Variants in TENM2 observed in about 807,000 individuals in gnomAD.
The protein encoded by TENM2 is teneurin-2.
A neutral mutation model predicts 245.2 loss-of-function variants in TENM2; 52 were observed. The observed-to-expected ratio is 0.21, with a 90% CI of 0.17 to 0.27. TENM2 has a LOEUF of 0.27. TENM2 is among the 10% of genes least tolerant of loss of function. TENM2 has a pLI of 1.00. For missense variants in TENM2, 3,046 were observed against 3,666.8 expected, an observed-to-expected ratio of 0.83 and a Z score of 4.37; for synonymous variants, 1,363 against 1,438.9, an observed-to-expected ratio of 0.95 and a Z score of 1.19.
chr5:167,010,853 C>T, the TENM2 span, among the ~76,000 whole-genome samples: 1 of 152,102 alleles, frequency 6.6e-6, no homozygotes, highest in African/African-American at 2.4e-5. Flanking sequence ...TAAAATGATA[C>T]AATAGAAGAT....
intron 13 of TENM2, among the ~76,000 whole-genome samples, chr5:168,166,164 C>G (rs1024390616): frequency 6.6e-6 from 1 of 152,072 alleles, no homozygotes. Context: ...TCAGGAAGGG[C>G]TATGTGAGTT....
At chr5:167,431,952 T>TATATATATATATACACACATATATATAC (rs1764263589) in intron 2 of TENM2, among the ~76,000 whole-genome samples, 6 of 66,886 alleles carry the variant, frequency 9.0e-5, no homozygotes, top group Admixed American at 1.8e-4. Context: ...TATATATGTA[T>TATATATATATATACACACATATATATAC]ATATATATGT....
intron 2 of TENM2, among the ~76,000 whole-genome samples, chr5:167,520,629 C>T (rs1770690562): frequency 6.6e-6 from 1 of 152,056 alleles, no homozygotes; most frequent in African/African-American, 2.4e-5. Flanking sequence ...GTTGAAGAGA[C>T]TTCTGCAGAA....
intron 2 of TENM2, among the ~76,000 whole-genome samples, chr5:167,439,789 A>G (rs1764779952): frequency 6.6e-6 from 1 of 152,196 alleles, no homozygotes; most frequent in African/African-American, 2.4e-5. Flanking sequence ...ATTCTATGGC[A>G]TTTTATCCAT....
the TENM2 span, among the ~76,000 whole-genome samples, chr5:166,981,039 C>CA: frequency 2.6e-5 from 4 of 152,128 alleles, no homozygotes; most frequent in Non-Finnish European, 5.9e-5. Context: ...TCTTCAGCCC[C>CA]AAAAAACAAA....
At chr5:166,992,755 T>C in the TENM2 span, among the ~76,000 whole-genome samples, 1 of 152,230 alleles carries the variant, frequency 6.6e-6, no homozygotes, top group South Asian at 2.1e-4. Flanking sequence ...AAAGTGGATT[T>C]GGGAAGAAAT....
the TENM2 span, among the ~76,000 whole-genome samples, chr5:167,255,049 C>T: frequency 4.0e-5 from 6 of 150,166 alleles, no homozygotes; most frequent in Non-Finnish European, 7.4e-5. Context: ...TTCAGACCTA[C>T]AGAGAATGTA....
chr5:167,538,674 A>G (rs1279642977), intron 2 of TENM2, among the ~76,000 whole-genome samples: 3 of 152,172 alleles, frequency 2.0e-5, no homozygotes, highest in African/African-American at 7.2e-5. Flanking sequence ...CTCAAAGCCA[A>G]TCGGAAAACA....
At chr5:167,330,512 C>T (rs35441103) in intron 1 of TENM2, among the ~76,000 whole-genome samples, 18 of 151,748 alleles carry the variant, frequency 1.2e-4, no homozygotes, top group African/African-American at 4.1e-4. Context: ...AGAGTGAGAA[C>T]GAGCTGTTTT....
At chr5:168,205,884 G>A (rs931036714) in intron 19 of TENM2, among the ~76,000 whole-genome samples, 3 of 152,168 alleles carry the variant, frequency 2.0e-5, no homozygotes, top group African/African-American at 4.8e-5. Context: ...TAGATTGTAG[G>A]ACTGCAGGAG....
chr5:167,925,957 G>A (rs953255756), intron 3 of TENM2, among the ~76,000 whole-genome samples: 4 of 152,132 alleles, frequency 2.6e-5, no homozygotes, highest in African/African-American at 9.7e-5. Context: ...CCACTTGAGG[G>A]AATAGGGTGG....
At chr5:167,100,310 C>A in the TENM2 span, among the ~76,000 whole-genome samples, 2 of 152,120 alleles carry the variant, frequency 1.3e-5, no homozygotes, top group South Asian at 2.1e-4. Flanking sequence ...TCCTGTAGAT[C>A]AGATGCCAGT....
intron 6 of TENM2, among the ~76,000 whole-genome samples, chr5:168,059,629 A>C (rs1019733719): frequency 4.6e-5 from 7 of 151,578 alleles, no homozygotes; most frequent in Non-Finnish European, 1.0e-4. Context: ...CTTTTTATTT[A>C]TATCCTTTTT....
chr5:168,024,274 C>G (rs770353303), intron 5 of TENM2, among the ~76,000 whole-genome samples: 5 of 152,120 alleles, frequency 3.3e-5, no homozygotes, highest in Non-Finnish European at 5.9e-5. Context: ...AGTACCATAC[C>G]TAAAGAGGGG....
At chr5:168,072,309 C>A (rs1791081295) in intron 7 of TENM2, among the ~76,000 whole-genome samples, 1 of 152,146 alleles carries the variant, frequency 6.6e-6, no homozygotes, top group Non-Finnish European at 1.5e-5. Context: ...ATTTCGCTGA[C>A]CTTGACCCCA....
intron 13 of TENM2, among the ~76,000 whole-genome samples, chr5:168,166,215 C>T (rs1340510274): frequency 1.3e-5 from 2 of 152,108 alleles, no homozygotes; most frequent in Non-Finnish European, 2.9e-5. Context: ...CCGGGCAGAA[C>T]ATGAATGCAG....
chr5:167,860,999 G>T (rs1771741763), intron 2 of TENM2, among the ~76,000 whole-genome samples: 1 of 120,838 alleles, frequency 8.3e-6, no homozygotes, highest in African/African-American at 3.3e-5. Context: ...CCATGACCCT[G>T]CCAAATCCCC....
chr5:167,906,947 C>T (rs962041458), intron 3 of TENM2, among the ~76,000 whole-genome samples: 6 of 152,074 alleles, frequency 3.9e-5, no homozygotes, highest in African/African-American at 1.2e-4. Context: ...AAATAAAGGA[C>T]GCAGGCCGGG....
intron 15 of TENM2, among the ~76,000 whole-genome samples, chr5:168,195,634 A>T (rs923191335): frequency 2.1e-5 from 3 of 143,998 alleles, no homozygotes; most frequent in Non-Finnish European, 4.5e-5. Context: ...AGGTTCTAGA[A>T]AAAGAAGGGA....
Sources: gnomAD v4.1 joint callset for allele counts (sites outside exome capture counted in the v4.1 genomes callset) on GRCh38, gnomAD v4.1.1 for gene constraint, MANE v1.5 for transcripts, NCBI Gene and HGNC (gene_info 2026-07-23, HGNC 2026-07-21) for gene names.